PFAS: variants seen among roughly 807,000 people sequenced by gnomAD.
The protein encoded by PFAS is FGAM synthase.
In PFAS, 97 loss-of-function variants were observed where a neutral mutation model predicts 140.6. The ratio of observed to expected loss-of-function variants is 0.69; its 90% CI spans 0.59 to 0.82. PFAS has a LOEUF of 0.82. Among genes scored for constraint, PFAS ranks in the 40% least tolerant of loss-of-function variants. The pLI is 0.00. For synonymous variants in PFAS, 679 were observed against 718.8 expected (o/e 0.94, Z 0.88); for missense variants, 1,656 against 1,780.2 (o/e 0.93, Z 1.26).
chr17:8,256,755 T>A, intron 8 of PFAS, 80 bp from the exon 9 acceptor site: 2 of 1,553,490 alleles, frequency 1.3e-6, no homozygotes, highest in East Asian at 4.5e-5. Context: ...AAATTGGTTG[T>A]CCTTATTTTC....
At chr17:8,258,435 C>T (rs1469339278) in intron 11 of PFAS, among the ~76,000 whole-genome samples, 10 of 150,862 alleles carry the variant, frequency 6.6e-5, no homozygotes, top group Non-Finnish European at 5.9e-5. Context: ...GCCTGCTACA[C>T]GATCCACACA....
Position 8,255,624 on chromosome 17 carries a change from C to T in PFAS, c.507C>T (p.Pro169=), listed in dbSNP as rs1989329848. Residue 169 remains proline, a synonymous_variant, in exon 5 of 28, where the codon CCC becomes CCT. Coordinates refer to ENST00000314666, the MANE Select transcript of PFAS (RefSeq NM_012393.3). The part of the protein sequence containing the change: ...QSFSPESMPE[P]LNGPINILGE... Reference sequence around the variant, plus strand: ...TCTCCCCTGAGAGCATGCCGGAACCCCTCAATGGCCCTATCAATATACTGG... The same window carrying T: ...TCTCCCCTGAGAGCATGCCGGAACCTCTCAATGGCCCTATCAATATACTGG... 1 of 1,580,714 alleles carries T rather than the reference C, an allele frequency of 6.3e-7. No individual in the cohort carries two copies. The highest frequency in any genetic ancestry group is 1.4e-5 in the African/African-American group (1 of 73,400).
At position 8,267,270 on chromosome 17, in the gene PFAS, G is replaced by C; in HGVS notation, c.3175+35G>C. 6.3e-7 allele frequency: 1 copy of C among 1,591,636 alleles called. No individual in the cohort carries two copies. The highest frequency in any genetic ancestry group is 8.6e-7 in the Non-Finnish European group (1 of 1,161,510). On this transcript the variant is annotated intron_variant, in intron 24 of 27. Coordinates refer to ENST00000314666, the MANE Select transcript of PFAS (RefSeq NM_012393.3). The surrounding 1 kb of genome is among the most constrained non-coding windows in gnomAD (Gnocchi z 4.9). The stretch of plus-strand genomic sequence containing the variant: ...TGTGTGCAGAGGCTCCGCGTCCTGG[G>C]GGCACTGAGCCTGGATGCCTGGGCC...
intron 11 of PFAS, 31 bp from the exon 12 acceptor site, chr17:8,262,889 A>T: frequency 6.3e-7 from 1 of 1,579,572 alleles, no homozygotes. Context: ...TGGCTTCCCC[A>T]GTGTTCTGAT....
chr17:8,253,944 C>G lies in PFAS; in HGVS notation c.7C>G (p.Pro3Ala). ...GCAAAGGACACCTGCAGAGATGTCCCCAGTCCTTCACTTCTATGTTCGTCC... is the reference window on the plus strand; with the variant it reads ...GCAAAGGACACCTGCAGAGATGTCCGCAGTCCTTCACTTCTATGTTCGTCC... MS[P>A]VLHFYVRPSG... Residue 3 changes from proline to alanine, a missense_variant, in exon 2 of 28, where the codon CCA becomes GCA. Pro to Ala is a conservative substitution (Grantham distance 27, BLOSUM62 -1). This residue lies in a region of PFAS where 773 missense variants were observed against 757.3 expected (regional missense o/e 1.02). Coordinates refer to ENST00000314666, the MANE Select transcript of PFAS (RefSeq NM_012393.3). 6.2e-7 allele frequency: 1 copy of G among 1,612,910 alleles called. No homozygotes were observed. Among genetic ancestry groups the G allele is most frequent in the Non-Finnish European group, 8.5e-7 (1 of 1,179,216 alleles).
intron 11 of PFAS, among the ~76,000 whole-genome samples, chr17:8,259,356 G>A (rs1989501440): frequency 6.6e-6 from 1 of 152,076 alleles, no homozygotes; most frequent in Non-Finnish European, 1.5e-5. Context: ...CTGTGGCCTT[G>A]AGCTCCTGGG....
intron 9 of PFAS, among the ~76,000 whole-genome samples, chr17:8,257,435 A>G (rs1989416839): frequency 1.3e-5 from 2 of 152,190 alleles, no homozygotes; most frequent in South Asian, 4.1e-4. Flanking sequence ...GGGCGCCTAT[A>G]GTCCCAGCTA....
chr17:8,267,361 TC>T lies in PFAS; in HGVS notation c.3176-10del, dbSNP rs770880027. ...GACTTTCTGGCCCAAAGACACTTATTCTCCCCCAAGGTGGTCCCAGCCCCCG... is the reference window on the plus strand; with the variant it reads ...GACTTTCTGGCCCAAAGACACTTATTTCCCCCAAGGTGGTCCCAGCCCCCG... On this transcript the variant is annotated splice_polypyrimidine_tract_variant and intron_variant, in intron 24 of 27. Transcript: ENST00000314666. The surrounding 1 kb of genome is among the most constrained non-coding windows in gnomAD (Gnocchi z 4.9). 2 of 1,612,912 alleles carry T rather than the reference TC, an allele frequency of 1.2e-6. No individual in the cohort carries two copies. Among genetic ancestry groups the T allele is most frequent in the East Asian group, 4.5e-5 (2 of 44,864 alleles).
chr17:8,265,218 C>A, intron 18 of PFAS, 70 bp from the exon 19 acceptor site: 1 of 1,573,414 alleles, frequency 6.4e-7, no homozygotes, highest in Non-Finnish European at 8.7e-7. Context: ...TGCAACCTCC[C>A]AGTCCGCCTG....
intron 1 of PFAS, among the ~76,000 whole-genome samples, 189 bp from the exon 2 acceptor site, chr17:8,253,670 A>C (rs1312433097): frequency 5.3e-5 from 8 of 151,806 alleles, no homozygotes; most frequent in Non-Finnish European, 1.2e-4. Context: ...CTCCCTAGTA[A>C]CTGTGATTAC....
intron 6 of PFAS, 91 bp from the exon 7 acceptor site, chr17:8,256,176 A>G (rs992739080): frequency 1.6e-6 from 2 of 1,267,224 alleles, no homozygotes; most frequent in Non-Finnish European, 2.2e-6. Flanking sequence ...ATTTGGCTGT[A>G]ACTCTGCTGT....
Position 8,268,579 on chromosome 17 carries a change from G to C in PFAS, c.3429G>C (p.Leu1143=), listed in dbSNP as rs1989920595. The C allele has an allele frequency of 3.1e-6, 5 of 1,612,724 alleles. No homozygotes were observed. The East Asian group carries it at 1.1e-4, about 36-fold the overall frequency. ...TTCATCCCAGGGCTGGGGCTGAGCT[G>C]AGGCGCTTCCGGAAGCGGCCAGACA... The part of the protein sequence containing the change: ...VTFHPRAGAE[L]RRFRKRPDTF... Residue 1143 remains leucine, a synonymous_variant, in exon 27 of 28, where the codon CTG becomes CTC. Coordinates refer to ENST00000314666, the MANE Select transcript of PFAS (RefSeq NM_012393.3).
intron 1 of PFAS, among the ~76,000 whole-genome samples, chr17:8,251,074 T>G (rs1267200012): frequency 6.6e-6 from 1 of 151,876 alleles, no homozygotes; most frequent in East Asian, 1.9e-4. Flanking sequence ...GATCACGAGT[T>G]CAAGAGATTG....
At position 8,265,779 on chromosome 17, in the gene PFAS, C is replaced by G. The variant is rs1266187064; in HGVS notation, c.2546-83C>G. Reference sequence around the variant, plus strand: ...GATTGTCTAGGTGTCTCACCACATGCTGGGAATAGCAGTGCTGTGAGCCCC... The same window carrying G: ...GATTGTCTAGGTGTCTCACCACATGGTGGGAATAGCAGTGCTGTGAGCCCC... On this transcript the variant is annotated intron_variant, in intron 20 of 27. Transcript: ENST00000314666. 2.9e-6 allele frequency: 4 copies of G among 1,365,990 alleles called. No individual in the cohort carries two copies. In the African/African-American group the frequency reaches 5.7e-5, roughly 19 times the overall value. 84.6% of individuals were successfully genotyped at this position (1,365,990 alleles called of 1,614,324 possible).
chr17:8,264,392 TA>T (rs1482003355), intron 16 of PFAS, 55 bp downstream of exon 16: 8 of 1,612,514 alleles, frequency 5.0e-6, no homozygotes, highest in Non-Finnish European at 6.8e-6. Context: ...CACCACCCTT[TA>T]CCCTACGTGC....
intron 6 of PFAS, 84 bp from the exon 7 acceptor site, chr17:8,256,183 C>A: frequency 1.5e-6 from 2 of 1,335,672 alleles, no homozygotes; most frequent in Admixed American, 2.2e-5. Flanking sequence ...TGTAACTCTG[C>A]TGTTAAATGC....
chr17:8,260,424 T>C (rs1989545944), intron 11 of PFAS, among the ~76,000 whole-genome samples: 1 of 152,220 alleles, frequency 6.6e-6, no homozygotes, highest in Non-Finnish European at 1.5e-5. Flanking sequence ...TCTGCCTTCT[T>C]TCACTTAGCT....
rs538167815 is a variant in PFAS, at chr17:8,267,947, ATAT to A, written c.3382+288_3382+290del. On this transcript the variant is annotated intron_variant, in intron 26 of 27. Coordinates refer to ENST00000314666, the MANE Select transcript of PFAS (RefSeq NM_012393.3). The surrounding 1 kb of genome is among the most constrained non-coding windows in gnomAD (Gnocchi z 4.9). Reference sequence around the variant, plus strand: ...TATTATTAAAATGTATATTATTTATATATTATTAAAATATATATTATTTATATA... The same window carrying A: ...TATTATTAAAATGTATATTATTTATATATTAAAATATATATTATTTATATA... Among the ~76,000 whole-genome samples the A allele has an allele frequency of 4.5e-3, 651 of 144,714 alleles. 5 individuals carry two copies. The highest frequency in any genetic ancestry group is 0.013 in the African/African-American group (527 of 39,948). The allele number at this position is 144,714 out of a possible 152,430, so 94.9% of individuals were successfully genotyped here.
Position 8,254,177 on chromosome 17 carries a change from C to T in PFAS, c.154C>T (p.Pro52Ser). Residue 52 changes from proline to serine, a missense_variant, in exon 3 of 28, where the codon CCC (proline) becomes TCC (serine). By Grantham distance (74) the Pro-to-Ser change is moderately conservative. Coordinates refer to ENST00000314666, the MANE Select transcript of PFAS (RefSeq NM_012393.3). ...YNVNWTAEAL[P>S]SAEETKKLMW... ...CTGTCTCCCTGCAGCTGAGGCCCTC[C>T]CCAGTGCTGAGGAGACAAAGAAGCT... is the stretch of plus-strand genomic sequence containing the variant. The T allele has an allele frequency of 1.9e-6, 3 of 1,614,130 alleles. No homozygotes were observed. The highest frequency in any genetic ancestry group is 1.7e-5 in the Admixed American group (1 of 60,000).
Sources: gnomAD v4.1 joint callset for allele counts (sites outside exome capture counted in the v4.1 genomes callset) on GRCh38, gnomAD v4.1.1 for gene constraint, gnomAD v4.1.1 regional missense constraint, Gnocchi (gnomAD v3.1) non-coding constraint, MANE v1.5 for transcripts, NCBI Gene and HGNC (gene_info 2026-07-23, HGNC 2026-07-21) for gene names.